TMEM106B: variants seen among roughly 807,000 people sequenced by gnomAD.
TMEM106B encodes transmembrane protein 106B.
Under a neutral mutation model 31.1 loss-of-function variants are expected in TMEM106B, and 15 were observed. The observed-to-expected ratio is 0.48, with a 90% CI of 0.32 to 0.74. The LOEUF is 0.74. Among genes scored for constraint, TMEM106B ranks in the 30% least tolerant of loss-of-function variants. The probability of loss-of-function intolerance (pLI) is 0.03; values close to 1 mark genes in which losing one functional copy is unlikely to be tolerated. For synonymous variants in TMEM106B, 126 were observed against 112.5 expected (o/e 1.12, Z -0.76); for missense variants, 283 against 327.3 (o/e 0.86, Z 1.04).
intron 2 of TMEM106B, among the ~76,000 whole-genome samples, chr7:12,216,469 G>A (rs1288878052): frequency 2.6e-5 from 4 of 152,238 alleles, no homozygotes; most frequent in South Asian, 2.1e-4. Context: ...CCTATTTGAC[G>A]TGGAAGTGGA....
At chr7:12,216,645 T>C (rs1562703040) in intron 2 of TMEM106B, among the ~76,000 whole-genome samples, 1 of 152,096 alleles carries the variant, frequency 6.6e-6, no homozygotes, top group Non-Finnish European at 1.5e-5. Context: ...TGAGACACTG[T>C]AGCATATCAA....
At chr7:12,211,733 A>C (rs768836257) in intron 1 of TMEM106B, among the ~76,000 whole-genome samples, 33 of 152,148 alleles carry the variant, frequency 2.2e-4, no homozygotes, top group Non-Finnish European at 4.0e-4. Context: ...CCGGGATCTT[A>C]TTTTGCAGCT....
rs560251340 is a variant in TMEM106B, at chr7:12,219,207, A to G, written c.281+686A>G. On this transcript the variant is annotated intron_variant, in intron 3 of 7. Coordinates refer to ENST00000396668, the MANE Select transcript of TMEM106B (RefSeq NM_001134232.2). ...CAAGAAAAAAGTTGAGTAGAATCCA[A>G]TGTTTACAGGACAGGAGTTAGGAAG... Among the ~76,000 whole-genome samples, 382 of 152,288 alleles carry G rather than the reference A, an allele frequency of 2.5e-3. 3 individuals are homozygous for G. Among genetic ancestry groups the G allele is most frequent in the African/African-American group, 8.5e-3 (355 of 41,574 alleles).
rs984185232 is a variant in TMEM106B, at chr7:12,241,427, G to C, written c.*9452G>C. Reference sequence around the variant, plus strand: ...GCCCCCTACCCCACAAAAGGCCCCAGTGTGTGATGTTCCCCTCCCTGTGTC... The same window carrying C: ...GCCCCCTACCCCACAAAAGGCCCCACTGTGTGATGTTCCCCTCCCTGTGTC... On this transcript the variant is annotated 3_prime_UTR_variant, in exon 8 of 8. Transcript: ENST00000396668. 6.6e-6 allele frequency: 1 copy of C among 151,878 alleles called. No individual in the cohort carries two copies. The highest frequency in any genetic ancestry group is 1.5e-5 in the Non-Finnish European group (1 of 68,000). 9.4% of individuals were successfully genotyped at this position (151,878 alleles called of 1,614,324 possible).
chr7:12,228,491 C>T (rs28549831), intron 4 of TMEM106B, among the ~76,000 whole-genome samples: 76,639 of 151,514 alleles, frequency 0.51, 20,515 homozygotes, highest in African/African-American at 0.67. Context: ...CATAATATTC[C>T]ATATAAGGAC....
At chr7:12,218,102 T>C (rs6460903) in intron 2 of TMEM106B, among the ~76,000 whole-genome samples, 95,617 of 151,960 alleles carry the variant, frequency 0.63, 31,006 homozygotes, top group African/African-American at 0.8. Flanking sequence ...GTTTCTTCTT[T>C]TATCATCCAG....
rs1200294788 is a variant in TMEM106B at position 12,229,701 on chromosome 7, A to G, written c.464A>G (p.Asn155Ser). The change falls in exon 5 of 8, where the codon AAT (asparagine) becomes AGT (serine). Residue 155 changes from asparagine (N) to serine (S), a missense_variant. By Grantham distance (46) the Asn-to-Ser change is conservative. This residue lies in a region of TMEM106B where 201 missense variants were observed against 211.5 expected (regional missense o/e 0.95). Transcript: ENST00000396668. Reference sequence around the variant, plus strand: ...TAGAACACACTAAATATAACAAACAATAACTATTACTCTGTCGAAGTTGAA... The same window carrying G: ...TAGAACACACTAAATATAACAAACAGTAACTATTACTCTGTCGAAGTTGAA... ...NITNTLNITN[N>S]NYYSVEVENI... 4.4e-6 allele frequency: 7 copies of G among 1,604,078 alleles called. No homozygotes were observed. Among genetic ancestry groups the G allele is most frequent in the South Asian group, 1.1e-5 (1 of 88,746 alleles).
chr7:12,218,925 A>G (rs1293973639), intron 3 of TMEM106B, among the ~76,000 whole-genome samples: 1 of 152,200 alleles, frequency 6.6e-6, no homozygotes, highest in African/African-American at 2.4e-5. Context: ...AAAAAGAGTT[A>G]CTAAGGATCA....
At position 12,211,387 on chromosome 7, in the gene TMEM106B, G is replaced by T. The variant is rs1583448060; in HGVS notation, c.-41G>T. 1 of 152,506 alleles carries T rather than the reference G, an allele frequency of 6.6e-6. No individual in the cohort carries two copies. Among genetic ancestry groups the T allele is most frequent in the East Asian group, 1.9e-4 (1 of 5,172 alleles). The allele number at this position is 152,506 out of a possible 1,614,324, so 9.4% of individuals were successfully genotyped here. On this transcript the variant is annotated 5_prime_UTR_variant, in exon 1 of 8. Coordinates refer to ENST00000396668, the MANE Select transcript of TMEM106B (RefSeq NM_001134232.2). ...CGACCCTGTCCTCGGCCCTGTCCGCGCCGAAGCAGCCCGGGACTGCGCAGC... is the reference window on the plus strand; with the variant it reads ...CGACCCTGTCCTCGGCCCTGTCCGCTCCGAAGCAGCCCGGGACTGCGCAGC...
At chr7:12,229,597 A>C in intron 4 of TMEM106B, 82 bp from the exon 5 acceptor site, 27 of 1,080,118 alleles carry the variant, frequency 2.5e-5, no homozygotes, top group South Asian at 3.8e-5. Context: ...AAGCATAGCT[A>C]CAGCTGAAGT....
In TMEM106B at chr7:12,238,814, T is replaced by G. The variant is rs1239736269; in HGVS notation, c.*6839T>G. On this transcript the variant is annotated 3_prime_UTR_variant, in exon 8 of 8. Coordinates refer to ENST00000396668, the MANE Select transcript of TMEM106B (RefSeq NM_001134232.2). ...GGCTTAAAATATTCAGTGAACCGTG[T>G]TGTAAACAGATGTCATATTATCCAG... The G allele has an allele frequency of 6.6e-6, 1 of 152,160 alleles. No homozygotes were observed. Among genetic ancestry groups the G allele is most frequent in the African/African-American group, 2.4e-5 (1 of 41,450 alleles). 9.4% of individuals were successfully genotyped at this position (152,160 alleles called of 1,614,324 possible).
intron 4 of TMEM106B, among the ~76,000 whole-genome samples, chr7:12,225,696 C>T (rs554013082): frequency 3.9e-5 from 6 of 152,170 alleles, no homozygotes; most frequent in East Asian, 3.9e-4. Context: ...TCATATCCTT[C>T]GCCCACTTTT....
In TMEM106B at chr7:12,230,934, A is replaced by G. The variant is rs570705273; in HGVS notation, c.633-128A>G. ...ATATATCAGTCATTGTTTGAAGTATAGAAAATTCTCAACCAACAAATGCTT... is the reference window on the plus strand; with the variant it reads ...ATATATCAGTCATTGTTTGAAGTATGGAAAATTCTCAACCAACAAATGCTT... On this transcript the variant is annotated intron_variant, in intron 6 of 7. Coordinates refer to ENST00000396668, the MANE Select transcript of TMEM106B (RefSeq NM_001134232.2). The G allele has an allele frequency of 3.1e-5, 17 of 552,750 alleles. No individual in the cohort carries two copies. The Admixed American group carries it at 5.8e-4, about 19-fold the overall frequency. The allele number at this position is 552,750 out of a possible 1,614,324, so 34.2% of individuals were successfully genotyped here. A position where few individuals can be genotyped will look rare whatever the true frequency, so the allele number is the denominator to read the frequency against.
Position 12,230,017 on chromosome 7 carries a change from G to A in TMEM106B, c.582+198G>A, listed in dbSNP as rs143516511. On this transcript the variant is annotated intron_variant, in intron 5 of 7. Transcript: ENST00000396668. The stretch of plus-strand genomic sequence containing the variant: ...GGACTGCTTGAGCCCAGGAATTCGA[G>A]ACCAGCCTGGGCAACATGGTGAAAC... 8.8e-3 allele frequency among the ~76,000 whole-genome samples: 1,334 copies of A among 151,368 alleles called. 23 individuals carry two copies. Among genetic ancestry groups the A allele is most frequent in the African/African-American group, 0.031 (1,265 of 41,118 alleles).
chr7:12,215,726 A>T, intron 2 of TMEM106B: 1 of 223,718 alleles, frequency 4.5e-6, no homozygotes, highest in Non-Finnish European at 1.0e-5. Flanking sequence ...CCAACCTAAT[A>T]TTTTTAATTC....
chr7:12,222,977 T>A (rs1489058017), intron 3 of TMEM106B, among the ~76,000 whole-genome samples: 1 of 152,086 alleles, frequency 6.6e-6, no homozygotes, highest in African/African-American at 2.4e-5. Flanking sequence ...AATGGAAAAT[T>A]TTTGTATAAG....
At chr7:12,213,320 T>G (rs1025018164) in intron 1 of TMEM106B, among the ~76,000 whole-genome samples, 1 of 152,180 alleles carries the variant, frequency 6.6e-6, no homozygotes, top group African/African-American at 2.4e-5. Flanking sequence ...TTTGGAATTT[T>G]GGGGCTTTTT....
Position 12,233,221 on chromosome 7 carries a change from C to T in TMEM106B, c.*1246C>T, listed in dbSNP as rs1341380407. On this transcript the variant is annotated 3_prime_UTR_variant, in exon 8 of 8. Transcript: ENST00000396668. ...ATTCAACTTTGCTGTTTTATATTTT[C>T]AGTATCATTTTTCATTTTTTTTTTT... 7.0e-6 allele frequency: 1 copy of T among 143,098 alleles called. No homozygotes were observed. Among genetic ancestry groups the T allele is most frequent in the African/African-American group, 2.6e-5 (1 of 38,242 alleles). The allele number at this position is 143,098 out of a possible 1,614,324, so 8.9% of individuals were successfully genotyped here.
rs1237262444 is a variant in TMEM106B, at chr7:12,237,810, TATACATACACACACACACACACACACAC to T, written c.*5837_*5864del. On this transcript the variant is annotated 3_prime_UTR_variant, in exon 8 of 8. Transcript: ENST00000396668. ...ACATGGCGAGACCCCATATAAAATA[TATACATACACACACACACACACACACAC>T]ACACACACACACACACACTATTGCT... is the stretch of plus-strand genomic sequence containing the variant. 2 of 117,872 alleles carry T rather than the reference TATACATACACACACACACACACACACAC, an allele frequency of 1.7e-5. No individual in the cohort carries two copies. The highest frequency in any genetic ancestry group is 7.6e-5 in the African/African-American group (2 of 26,270). 7.3% of individuals were successfully genotyped at this position (117,872 alleles called of 1,614,324 possible). A position where few individuals can be genotyped will look rare whatever the true frequency, so the allele number is the denominator to read the frequency against.
Sources: allele counts gnomAD v4.1 joint callset (sites outside exome capture counted in the v4.1 genomes callset), GRCh38; gene constraint gnomAD v4.1.1; regional missense constraint gnomAD v4.1.1; transcripts MANE v1.5; gene names NCBI Gene and HGNC (gene_info 2026-07-23, HGNC 2026-07-21).